IQSEC1: variants seen among roughly 807,000 people sequenced by gnomAD.
IQSEC1 encodes IQ motif and Sec7 domain ArfGEF 1.
IQSEC1 carries 31 observed loss-of-function variants against 91.0 expected under a neutral mutation model. The observed-to-expected ratio is 0.34, with a 90% CI of 0.26 to 0.46. The LOEUF is 0.46. Among genes scored for constraint, IQSEC1 ranks in the 20% least tolerant of loss-of-function variants. The pLI, the probability that IQSEC1 is intolerant of heterozygous loss-of-function variation, is 1.00. For synonymous variants in IQSEC1, 699 were observed against 662.6 expected, an observed-to-expected ratio of 1.05 and a Z score of -0.84; for missense variants, 1,388 against 1,575.6, an observed-to-expected ratio of 0.88 and a Z score of 2.02.
chr3:13,141,619 G>A (rs1706800727), intron 2 of IQSEC1, among the ~76,000 whole-genome samples: 1 of 152,212 alleles, frequency 6.6e-6, no homozygotes. Flanking sequence ...GTCCCCAAAT[G>A]CTCAAGTGAG....
chr3:13,089,282 A>T (rs1705795733), intron 2 of IQSEC1, among the ~76,000 whole-genome samples: 1 of 152,272 alleles, frequency 6.6e-6, no homozygotes, highest in Non-Finnish European at 1.5e-5. Context: ...TTATTTAGCC[A>T]TAAAAAGAAA....
intron 2 of IQSEC1, among the ~76,000 whole-genome samples, chr3:13,096,899 TGC>T (rs1239122753): frequency 1.3e-5 from 2 of 151,078 alleles, no homozygotes; most frequent in African/African-American, 4.9e-5. Context: ...CTCGCTCTGT[TGC>T]CCAGGCTGGA....
At chr3:13,258,543 G>A (rs529925374) in intron 1 of IQSEC1, among the ~76,000 whole-genome samples, 1 of 151,912 alleles carries the variant, frequency 6.6e-6, no homozygotes, top group South Asian at 2.1e-4. Context: ...AAAATTAGCC[G>A]GACATGGTGG....
At chr3:13,006,289 C>G (rs1702632863) in intron 1 of IQSEC1, among the ~76,000 whole-genome samples, 1 of 152,192 alleles carries the variant, frequency 6.6e-6, no homozygotes. Flanking sequence ...GCTTCTGGTT[C>G]ATTCTAGAAG....
At chr3:13,275,571 C>T (rs1695663492) in intron 1 of IQSEC1, among the ~76,000 whole-genome samples, 1 of 152,228 alleles carries the variant, frequency 6.6e-6, no homozygotes, top group Non-Finnish European at 1.5e-5. Flanking sequence ...CACCATCCTC[C>T]TCCTCTCTCC....
Position 13,025,619 on chromosome 3 carries a change from C to T in IQSEC1, c.23+47373G>A, listed in dbSNP as rs186938971. The stretch of plus-strand genomic sequence containing the variant: ...TCCTCGCCTGTTGAGATGTGTCTGC[C>T]TGTGGTCTTAGGGCCTTGAGACCCT... On this transcript the variant is annotated intron_variant, in intron 1 of 13. Coordinates refer to ENST00000613206, the MANE Select transcript of IQSEC1 (RefSeq NM_001134382.3). 4.6e-5 allele frequency among the ~76,000 whole-genome samples: 7 copies of T among 152,340 alleles called. No individual in the cohort carries two copies. In the East Asian group the frequency reaches 7.7e-4, roughly 17 times the overall value.
intron 2 of IQSEC1, among the ~76,000 whole-genome samples, chr3:13,135,767 G>A (rs1271693274): frequency 6.6e-6 from 1 of 152,226 alleles, no homozygotes; most frequent in African/African-American, 2.4e-5. Flanking sequence ...GCCTTTAGGA[G>A]GAACGGGTTA....
intron 1 of IQSEC1, among the ~76,000 whole-genome samples, chr3:13,166,350 G>A (rs779948338): frequency 1.4e-4 from 22 of 152,242 alleles, no homozygotes; most frequent in Non-Finnish European, 2.5e-4. Context: ...ACAAGGGTAA[G>A]GGTTTTGTCA....
rs541024438 is a variant in IQSEC1 at position 13,143,671 on chromosome 3, T to C, written c.302+20433A>G. ...TGAGGGTCAGGGCAAGGGCTGGTAG[T>C]GGCAGGGAGAGAAGGTCCATTTCTG... On this transcript the variant is annotated intron_variant, in intron 2 of 15. Coordinates refer to the IQSEC1 transcript ENST00000648114. Among the ~76,000 whole-genome samples the C allele has an allele frequency of 9.9e-5, 15 of 152,276 alleles. No individual in the cohort carries two copies. In the South Asian group the frequency reaches 2.9e-3, roughly 29 times the overall value.
intron 1 of IQSEC1, among the ~76,000 whole-genome samples, chr3:12,953,391 G>A (rs1279766614): frequency 1.3e-5 from 2 of 152,242 alleles, no homozygotes; most frequent in Non-Finnish European, 2.9e-5. Flanking sequence ...CTGGCCTCAG[G>A]CCTGCCCTGC....
At chr3:12,926,559 G>C (rs1255401768) in intron 3 of IQSEC1, among the ~76,000 whole-genome samples, 2 of 152,366 alleles carry the variant, frequency 1.3e-5, no homozygotes, top group East Asian at 3.9e-4. Flanking sequence ...GGAGCCCAGT[G>C]TGGCTTGGGC....
At chr3:13,131,507 T>C (rs1706620248) in intron 2 of IQSEC1, among the ~76,000 whole-genome samples, 3 of 131,390 alleles carry the variant, frequency 2.3e-5, no homozygotes, top group African/African-American at 5.6e-5. Flanking sequence ...TTTTTTTTGA[T>C]ACTGAGCCTC....
chr3:13,178,654 A>G (rs1693781265), intron 1 of IQSEC1, among the ~76,000 whole-genome samples: 1 of 152,230 alleles, frequency 6.6e-6, no homozygotes, highest in Admixed American at 6.5e-5. Flanking sequence ...TATGCACTCA[A>G]AATCTAAGGA....
chr3:13,082,264 T>C (rs1462409860), intron 2 of IQSEC1, among the ~76,000 whole-genome samples: 1 of 152,194 alleles, frequency 6.6e-6, no homozygotes, highest in African/African-American at 2.4e-5. Flanking sequence ...TCACAGCAAA[T>C]GGCTGCCGAG....
intron 1 of IQSEC1, among the ~76,000 whole-genome samples, chr3:12,948,843 G>A (rs1699353163): frequency 6.6e-6 from 1 of 152,228 alleles, no homozygotes; most frequent in African/African-American, 2.4e-5. Context: ...CATATGGGCA[G>A]CTTGGCCAGG....
At chr3:13,061,523 C>T (rs1163640069) in intron 1 of IQSEC1, among the ~76,000 whole-genome samples, 2 of 151,964 alleles carry the variant, frequency 1.3e-5, no homozygotes, top group Non-Finnish European at 2.9e-5. Flanking sequence ...GGTCCCAGGA[C>T]TTACCTAGCA....
intron 1 of IQSEC1, among the ~76,000 whole-genome samples, chr3:13,028,140 G>C (rs1467860848): frequency 6.6e-6 from 1 of 151,978 alleles, no homozygotes. Flanking sequence ...AGGACAAATA[G>C]GGGGTTTGCT....
chr3:13,090,921 C>T (rs763163993), intron 2 of IQSEC1, among the ~76,000 whole-genome samples: 6 of 152,176 alleles, frequency 3.9e-5, no homozygotes, highest in African/African-American at 9.7e-5. Context: ...AAGCCCTGTG[C>T]GGAATTTGAA....
intron 1 of IQSEC1, among the ~76,000 whole-genome samples, chr3:13,164,808 C>T (rs560355201): frequency 4.9e-4 from 75 of 152,342 alleles, no homozygotes; most frequent in African/African-American, 1.7e-3. Flanking sequence ...GCTAAAGCCT[C>T]GCTTGGGCTT....
Sources: gnomAD v4.1 joint callset for allele counts (sites outside exome capture counted in the v4.1 genomes callset) on GRCh38, gnomAD v4.1.1 for gene constraint, MANE v1.5 for transcripts, NCBI Gene and HGNC (gene_info 2026-07-23, HGNC 2026-07-21) for gene names.